Variants in STK3 observed in about 807,000 individuals in gnomAD.
STK3 encodes the protein serine/threonine-protein kinase 3.
Under a neutral mutation model 58.0 loss-of-function variants are expected in STK3, and 41 were observed. The ratio of observed to expected loss-of-function variants is 0.71; its 90% confidence interval spans 0.55 to 0.92. The LOEUF is 0.92. STK3 is among the 40% of genes least tolerant of loss of function. The probability of loss-of-function intolerance (pLI) is 0.00; values close to 1 mark genes in which losing one functional copy is unlikely to be tolerated. For missense variants in STK3, 479 were observed against 602.7 expected (o/e 0.79, Z 2.15); for synonymous variants, 170 against 191.0 (o/e 0.89, Z 0.91).
chr8:98,506,924 G>C (rs1325807671), intron 10 of STK3, among the ~76,000 whole-genome samples: 1 of 152,156 alleles, frequency 6.6e-6, no homozygotes, highest in East Asian at 1.9e-4. Context: ...TTAAGATTTA[G>C]TTTGGATTCC....
At chr8:98,819,511 A>G (rs953225030) in intron 1 of STK3, among the ~76,000 whole-genome samples, 4 of 152,200 alleles carry the variant, frequency 2.6e-5, no homozygotes, top group African/African-American at 9.6e-5. Context: ...ATGCCACCCT[A>G]AATTAACCAA....
At chr8:98,942,094 G>T (rs1425060255) in intron 1 of STK3, among the ~76,000 whole-genome samples, 4 of 152,262 alleles carry the variant, frequency 2.6e-5, no homozygotes, top group African/African-American at 9.6e-5. Flanking sequence ...AGCCTGGCGG[G>T]TGACCTGCTC....
chr8:98,784,768 C>T (rs1832350138), intron 1 of STK3, among the ~76,000 whole-genome samples: 2 of 152,138 alleles, frequency 1.3e-5, no homozygotes, highest in Non-Finnish European at 2.9e-5. Flanking sequence ...GCATCTAATG[C>T]ACCTGCTCAC....
chr8:98,413,373 G>T, intron 3 of STK3: 1 of 530,820 alleles, frequency 1.9e-6, no homozygotes, highest in South Asian at 1.4e-5. Context: ...TGAGATTTCT[G>T]GCATATCTTG....
At chr8:98,694,178 T>G (rs1033721533) in intron 6 of STK3, among the ~76,000 whole-genome samples, 2 of 152,126 alleles carry the variant, frequency 1.3e-5, no homozygotes, top group Admixed American at 6.6e-5. Flanking sequence ...TGGAAGCCAG[T>G]TGGAAAATAT....
chr8:98,666,974 T>A (rs535801429), intron 6 of STK3, among the ~76,000 whole-genome samples: 1 of 152,108 alleles, frequency 6.6e-6, no homozygotes, highest in Non-Finnish European at 1.5e-5. Context: ...GAGAAAAGGA[T>A]CATATTGTCT....
At chr8:98,859,436 C>T (rs1564066712) in intron 3 of STK3, among the ~76,000 whole-genome samples, 1 of 152,144 alleles carries the variant, frequency 6.6e-6, no homozygotes, top group African/African-American at 2.4e-5. Context: ...GTGGGAAAAT[C>T]ATCCAAGCTC....
At chr8:98,770,359 T>C (rs1393707316) in intron 2 of STK3, among the ~76,000 whole-genome samples, 4 of 152,204 alleles carry the variant, frequency 2.6e-5, no homozygotes, top group African/African-American at 9.6e-5. Context: ...GTTGCAAGAT[T>C]TTGCCAATTT....
rs919525897 is a variant in STK3, at chr8:98,701,621, C to CA, written c.684+4845dup. 3.3e-3 allele frequency among the ~76,000 whole-genome samples: 437 copies of CA among 131,754 alleles called. 1 individual carries two copies. The highest frequency in any genetic ancestry group is 7.4e-3 in the East Asian group (35 of 4,752). 86.4% of individuals were successfully genotyped at this position (131,754 alleles called of 152,430 possible). On this transcript the variant is annotated intron_variant, in intron 6 of 10. Coordinates refer to ENST00000419617, the MANE Select transcript of STK3 (RefSeq NM_006281.4). ...CAGACAACAGAGCGAGACTTTGTCTCAAAAAAAAATATATATATATATATA... is the reference window on the plus strand; with the variant it reads ...CAGACAACAGAGCGAGACTTTGTCTCAAAAAAAAAATATATATATATATATA...
chr8:98,375,320 A>C (rs1817663465), intron 2 of STK3, among the ~76,000 whole-genome samples: 1 of 152,124 alleles, frequency 6.6e-6, no homozygotes, highest in Non-Finnish European at 1.5e-5. Context: ...GTGCAATAAG[A>C]CAAGAAAAAG....
rs143974070 is a variant in STK3 at position 98,480,954 on chromosome 8, G to A, written c.1318-24954C>T. ...TAAGTGTTTATTGTACTATTTTTCA[G>A]CTTTTTGAATATATTAAAATTTTTT... On this transcript the variant is annotated intron_variant, in intron 10 of 10. Coordinates refer to ENST00000419617, the MANE Select transcript of STK3 (RefSeq NM_006281.4). Among the ~76,000 whole-genome samples, 36 of 152,170 alleles carry A rather than the reference G, an allele frequency of 2.4e-4. 1 individual carries two copies. The highest frequency in any genetic ancestry group is 3.4e-3 in the Middle Eastern group (1 of 294).
chr8:98,812,029 C>T (rs1451248827), intron 1 of STK3, among the ~76,000 whole-genome samples: 3 of 152,120 alleles, frequency 2.0e-5, no homozygotes, highest in Admixed American at 6.5e-5. Flanking sequence ...AGGCTGTTCT[C>T]GAACTTCTGA....
chr8:98,601,979 G>A (rs560771344), intron 6 of STK3, among the ~76,000 whole-genome samples: 2 of 152,288 alleles, frequency 1.3e-5, no homozygotes, highest in East Asian at 1.9e-4. Flanking sequence ...CTGGGGTGAC[G>A]ACAAGGCACA....
At chr8:98,492,558 T>C (rs1194846542) in intron 10 of STK3, among the ~76,000 whole-genome samples, 2 of 152,126 alleles carry the variant, frequency 1.3e-5, no homozygotes, top group Non-Finnish European at 2.9e-5. Flanking sequence ...GGGAACAACA[T>C]TCAGTGTGGT....
rs1302273864 is a variant in STK3 at position 98,553,983 on chromosome 8, CCTCAGAGGTGCTATTATTCCTCTT to C, written c.949-5846_949-5823del. Among the ~76,000 whole-genome samples the C allele has an allele frequency of 1.1e-3, 167 of 152,004 alleles. 1 individual carries two copies. The highest frequency in any genetic ancestry group is 5.7e-4 in the Non-Finnish European group (39 of 67,956). ...AAAAAAAAAAAAGTCTCTTATTAAC[CCTCAGAGGTGCTATTATTCCTCTT>C]AGGCAAAGGAACCTGAGGCTCAAAT... On this transcript the variant is annotated intron_variant, in intron 8 of 10. Coordinates refer to ENST00000419617, the MANE Select transcript of STK3 (RefSeq NM_006281.4).
chr8:98,396,979 T>C (rs369673141), downstream of STK3, among the ~76,000 whole-genome samples: 13 of 152,328 alleles, frequency 8.5e-5, no homozygotes, highest in African/African-American at 2.6e-4. Flanking sequence ...CACTATTGTG[T>C]CCATTTTATA....
In STK3 at chr8:98,394,902, C is replaced by T. The variant is rs531233053; in HGVS notation, n.428-6655G>A. Among the ~76,000 whole-genome samples the T allele has an allele frequency of 1.3e-4, 20 of 152,290 alleles. No individual in the cohort carries two copies. In the South Asian group the frequency reaches 3.1e-3, roughly 24 times the overall value. On this transcript the variant is annotated intron_variant and non_coding_transcript_variant, in intron 3 of 5. Transcript: ENST00000649151. Reference sequence around the variant, plus strand: ...AGAAACATGACTAGTGGAGTCAATGCGGCAGTGAGCAGCAGGGATCCTGTC... The same window carrying T: ...AGAAACATGACTAGTGGAGTCAATGTGGCAGTGAGCAGCAGGGATCCTGTC...
chr8:98,598,788 G>C (rs1196590582), intron 6 of STK3: 10 of 985,226 alleles, frequency 1.0e-5, no homozygotes, highest in Non-Finnish European at 1.2e-5. Context: ...TAAATGACAT[G>C]ATTATCCTTG....
intron 4 of STK3, among the ~76,000 whole-genome samples, chr8:98,714,508 A>T (rs909389484): frequency 3.3e-4 from 50 of 152,240 alleles, no homozygotes; most frequent in Non-Finnish European, 8.8e-5. Context: ...AGAGAGACAA[A>T]TCATGAGTGA....
Sources: allele counts gnomAD v4.1 joint callset (sites outside exome capture counted in the v4.1 genomes callset), GRCh38; gene constraint gnomAD v4.1.1; transcripts MANE v1.5; gene names NCBI Gene and HGNC (gene_info 2026-07-23, HGNC 2026-07-21).